Variants in CAPRIN1 observed in about 807,000 individuals in gnomAD.
CAPRIN1 encodes cell cycle associated protein 1, also known as caprin-1.
In CAPRIN1, 29 loss-of-function variants were observed where a neutral mutation model predicts 100.9. The observed-to-expected ratio is 0.29, with a 90% CI of 0.21 to 0.39. The LOEUF (loss-of-function observed/expected upper bound fraction) is 0.39. CAPRIN1 is among the 10% of genes least tolerant of loss of function. CAPRIN1 has a pLI of 1.00. For missense variants in CAPRIN1, 795 were observed against 876.7 expected (o/e 0.91, Z 1.18); for synonymous variants, 338 against 307.5 (o/e 1.10, Z -1.04).
chr11:34,089,095 C>T (rs1223204111), intron 11 of CAPRIN1, among the ~76,000 whole-genome samples: 4 of 151,392 alleles, frequency 2.6e-5, no homozygotes, highest in Non-Finnish European at 5.9e-5. Context: ...ATGGCGAAAC[C>T]CTGTCTCTAC....
At chr11:34,053,096 TG>T in intron 2 of CAPRIN1, 1 of 1,013,910 alleles carries the variant, frequency 9.9e-7, no homozygotes, top group Non-Finnish European at 1.2e-6. Context: ...CCTGCAGCCT[TG>T]GGGTCTGTCC....
chr11:34,054,714 G>A (rs1275581176), intron 2 of CAPRIN1, among the ~76,000 whole-genome samples: 1 of 152,104 alleles, frequency 6.6e-6, no homozygotes, highest in Non-Finnish European at 1.5e-5. Flanking sequence ...GTGAGCCCCT[G>A]TGCCCGGCCT....
intron 4 of CAPRIN1, among the ~76,000 whole-genome samples, chr11:34,075,662 A>AG (rs1204019486): frequency 2.6e-5 from 4 of 152,162 alleles, no homozygotes; most frequent in Non-Finnish European, 5.9e-5. Context: ...TAGATACTCA[A>AG]AGTTAGAACT....
chr11:34,065,294 C>G (rs1248004625), intron 2 of CAPRIN1, among the ~76,000 whole-genome samples: 1 of 152,148 alleles, frequency 6.6e-6, no homozygotes, highest in African/African-American at 2.4e-5. Flanking sequence ...ACTAATCATA[C>G]CATATGTTTG....
intron 2 of CAPRIN1, among the ~76,000 whole-genome samples, chr11:34,067,118 C>T (rs572678470): frequency 5.5e-4 from 84 of 152,088 alleles, no homozygotes; most frequent in Non-Finnish European, 7.4e-4. Context: ...TTAGTAGAGA[C>T]GAGATTTTGT....
chr11:34,072,053 C>A, intron 4 of CAPRIN1, 66 bp downstream of exon 4: 1 of 1,022,486 alleles, frequency 9.8e-7, no homozygotes, highest in South Asian at 1.4e-5. Context: ...TTAGTCCTTC[C>A]ATTACTATTG....
At chr11:34,069,942 T>C (rs543914809) in intron 2 of CAPRIN1, among the ~76,000 whole-genome samples, 25 of 151,752 alleles carry the variant, frequency 1.6e-4, no homozygotes, top group African/African-American at 5.1e-4. Flanking sequence ...ACAAAACTTA[T>C]TACCATTGCT....
chr11:34,054,819 G>A (rs1850414191), intron 2 of CAPRIN1, among the ~76,000 whole-genome samples: 1 of 151,958 alleles, frequency 6.6e-6, no homozygotes. Flanking sequence ...TTTTTTTCTA[G>A]GACAGTAATT....
At chr11:34,093,259 A>T (rs901715133) in intron 15 of CAPRIN1, among the ~76,000 whole-genome samples, 3 of 151,670 alleles carry the variant, frequency 2.0e-5, no homozygotes, top group Non-Finnish European at 4.4e-5. Context: ...GCAGTGGTGT[A>T]ATCAGATACT....
intron 4 of CAPRIN1, among the ~76,000 whole-genome samples, chr11:34,073,817 G>T (rs554840245): frequency 6.6e-6 from 1 of 152,258 alleles, no homozygotes; most frequent in South Asian, 2.1e-4. Flanking sequence ...TTTGTACCTA[G>T]TGTCTTAGTC....
intron 2 of CAPRIN1, chr11:34,053,147 T>G (rs1028902039): frequency 1.0e-6 from 1 of 988,406 alleles, no homozygotes; most frequent in Non-Finnish European, 1.2e-6. Context: ...GAGCGTCCCC[T>G]CTTCTTCCGT....
intron 7 of CAPRIN1, among the ~76,000 whole-genome samples, chr11:34,080,392 G>A (rs1013111585): frequency 1.3e-5 from 2 of 152,146 alleles, no homozygotes; most frequent in African/African-American, 4.8e-5. Context: ...GCTGTTACAA[G>A]GATTTTCAAA....
rs1378985387 is a variant in CAPRIN1 at position 34,096,544 on chromosome 11, C to T, written c.1771C>T (p.Pro591Ser). The change falls in exon 16 of 19, where the codon CCT (proline) becomes TCT (serine). Residue 591 changes from proline (P) to serine (S), a missense_variant. By Grantham distance (74) the Pro-to-Ser change is moderately conservative. Coordinates refer to ENST00000341394, the MANE Select transcript of CAPRIN1 (RefSeq NM_005898.5). ...AGTGACTGGTAACCACCAGCAGCCT[C>T]CTCAGCAGAACACTGGATTTCCACG... ...HQVTGNHQQP[P>S]QQNTGFPRSN... 6.2e-7 allele frequency: 1 copy of T among 1,614,136 alleles called. No individual in the cohort carries two copies. The highest frequency in any genetic ancestry group is 1.7e-5 in the Admixed American group (1 of 60,006).
At position 34,052,456 on chromosome 11, in the gene CAPRIN1, C is replaced by G. The variant is rs539178996; in HGVS notation, c.36C>G (p.Ser12Arg). 45 of 1,607,096 alleles carry G rather than the reference C, an allele frequency of 2.8e-5. No homozygotes were observed. The African/African-American group carries it at 5.0e-4, about 18-fold the overall frequency. ...CCACCAGCCACAGCGGGAGCGGCAG[C>G]AAGTCGTCCGGACCGCCACCGCCGT... ...PSATSHSGSG[S>R]KSSGPPPPSG... Residue 12 changes from serine (S) to arginine (R), a missense_variant, in exon 2 of 19, where the codon AGC becomes AGG. This residue lies in a region of CAPRIN1 where 109 missense variants were observed against 86.6 expected (regional missense o/e 1.26). Transcript: ENST00000341394.
chr11:34,091,946 C>G lies in CAPRIN1; in HGVS notation c.1595C>G (p.Pro532Arg). ...MNAPVPPVNEPETLKQQNQYQ... is the reference protein window; with the variant it reads ...MNAPVPPVNERETLKQQNQYQ... ...GCCCCAGTTCCTCCTGTTAATGAAC[C>G]AGAAACTTTAAAACAGCAAAATCAG... is the stretch of plus-strand genomic sequence containing the variant. The change falls in exon 15 of 19, where the codon CCA becomes CGA. Residue 532 changes from proline to arginine, a missense_variant. Physicochemically the swap from Pro to Arg is moderately radical, Grantham distance 103. This residue lies in a region of CAPRIN1 where 648 missense variants were observed against 697.9 expected (regional missense o/e 0.93). Transcript: ENST00000341394. 1 of 1,613,612 alleles carries G rather than the reference C, an allele frequency of 6.2e-7. No individual in the cohort carries two copies. The highest frequency in any genetic ancestry group is 8.5e-7 in the Non-Finnish European group (1 of 1,179,826).
intron 4 of CAPRIN1, among the ~76,000 whole-genome samples, chr11:34,075,420 T>C (rs1022698316): frequency 6.6e-5 from 10 of 152,334 alleles, no homozygotes; most frequent in African/African-American, 2.4e-4. Flanking sequence ...GAGGAATAAT[T>C]GAGTTTGGCT....
intron 17 of CAPRIN1, 64 bp from the exon 18 acceptor site, chr11:34,097,634 A>G: frequency 6.3e-7 from 1 of 1,589,118 alleles, no homozygotes; most frequent in South Asian, 1.1e-5. Flanking sequence ...GTTAGACTGA[A>G]AGAATAGATG....
chr11:34,090,379 C>T (rs1158448317), intron 13 of CAPRIN1, 90 bp downstream of exon 13: 1 of 1,237,488 alleles, frequency 8.1e-7, no homozygotes, highest in African/African-American at 1.5e-5. Context: ...AATGATTCTT[C>T]TTTTTGGACC....
intron 4 of CAPRIN1, among the ~76,000 whole-genome samples, chr11:34,073,270 G>C (rs74430155): frequency 0.016 from 2,419 of 152,226 alleles, 67 homozygotes; most frequent in African/African-American, 0.054. Flanking sequence ...TAATTTCACT[G>C]TTCTTGTATT....
Sources: gnomAD v4.1 joint callset for allele counts (sites outside exome capture counted in the v4.1 genomes callset) on GRCh38, gnomAD v4.1.1 for gene constraint, gnomAD v4.1.1 regional missense constraint, MANE v1.5 for transcripts, NCBI Gene and HGNC (gene_info 2026-07-23, HGNC 2026-07-21) for gene names.